Variants in HACD2 observed in about 807,000 individuals in gnomAD.
The protein encoded by HACD2 is very-long-chain (3R)-3-hydroxyacyl-CoA dehydratase 2.
In HACD2, 15 loss-of-function variants were observed where a neutral mutation model predicts 31.0. The observed-to-expected ratio is 0.48, with a 90% CI of 0.32 to 0.75. The LOEUF is 0.75. Among genes scored for constraint, HACD2 ranks in the 30% least tolerant of loss-of-function variants. The pLI is 0.03. For synonymous variants in HACD2, 115 were observed against 122.2 expected (o/e 0.94, Z 0.39); for missense variants, 283 against 313.0 (o/e 0.90, Z 0.72).
intron 4 of HACD2, among the ~76,000 whole-genome samples, chr3:123,510,950 T>G (rs966559106): frequency 6.9e-6 from 1 of 145,086 alleles, no homozygotes; most frequent in African/African-American, 2.7e-5. Context: ...TTTTTGTTTT[T>G]TTTTGTTTTT....
intron 4 of HACD2, among the ~76,000 whole-genome samples, chr3:123,508,640 C>T (rs374447313): frequency 1.3e-5 from 2 of 152,328 alleles, no homozygotes; most frequent in South Asian, 2.1e-4. Context: ...CCAAGCTTTA[C>T]AGCAAGCATT....
chr3:123,514,157 C>A (rs998001262), intron 4 of HACD2, among the ~76,000 whole-genome samples: 2 of 152,066 alleles, frequency 1.3e-5, no homozygotes, highest in Admixed American at 1.3e-4. Context: ...CGCCTGTGGT[C>A]CCAGCAACTC....
intron 4 of HACD2, 44 bp from the exon 5 acceptor site, chr3:123,502,725 G>A (rs1457414566): frequency 8.3e-6 from 13 of 1,557,200 alleles, no homozygotes; most frequent in East Asian, 7.1e-5. Flanking sequence ...CACAGACAAC[G>A]TTAATGAAGA....
intron 3 of HACD2, among the ~76,000 whole-genome samples, chr3:123,553,206 CAGAG>C (rs1337311264): frequency 6.6e-6 from 1 of 151,992 alleles, no homozygotes; most frequent in Non-Finnish European, 1.5e-5. Flanking sequence ...TTTACAGAGA[CAGAG>C]AGAGAGAAAG....
At chr3:123,582,380 G>C in intron 1 of HACD2, 51 bp from the exon 2 acceptor site, 2 of 1,296,042 alleles carry the variant, frequency 1.5e-6, no homozygotes, top group Non-Finnish European at 2.1e-6. Flanking sequence ...AAAAAAAGTA[G>C]CATTTAGGTT....
rs972813105 is a variant in HACD2 at position 123,551,184 on chromosome 3, T to G, written c.292+16578A>C. Among the ~76,000 whole-genome samples the G allele has an allele frequency of 8.5e-5, 13 of 152,322 alleles. No individual in the cohort carries two copies. The South Asian group carries it at 2.7e-3, about 32-fold the overall frequency. ...TTCCTCTACCTCTTTGAACTTACCC[T>G]TTCGGCGAAACATTTGTCACACTGT... On this transcript the variant is annotated intron_variant, in intron 3 of 6. Coordinates refer to ENST00000383657, the MANE Select transcript of HACD2 (RefSeq NM_198402.5).
chr3:123,511,177 C>G (rs1233912645), intron 4 of HACD2, among the ~76,000 whole-genome samples: 1 of 151,888 alleles, frequency 6.6e-6, no homozygotes, highest in Non-Finnish European at 1.5e-5. Flanking sequence ...ATAATTATAC[C>G]TAATTGTTAC....
chr3:123,553,530 A>T (rs932433121), intron 3 of HACD2, among the ~76,000 whole-genome samples: 4 of 152,258 alleles, frequency 2.6e-5, no homozygotes, highest in African/African-American at 9.6e-5. Context: ...GTATGCCAAA[A>T]AGGCAAGCTC....
chr3:123,564,479 G>T (rs980110662), intron 3 of HACD2, among the ~76,000 whole-genome samples: 1 of 152,216 alleles, frequency 6.6e-6, no homozygotes, highest in Non-Finnish European at 1.5e-5. Flanking sequence ...GAAGGAGCAG[G>T]ATCTCCAGGA....
chr3:123,547,684 G>A (rs1229133517), intron 3 of HACD2, among the ~76,000 whole-genome samples: 3 of 152,160 alleles, frequency 2.0e-5, no homozygotes, highest in African/African-American at 7.2e-5. Context: ...ACCAGAGCCT[G>A]TATGAGGTGG....
chr3:123,544,170 C>A (rs2056527318), intron 3 of HACD2, among the ~76,000 whole-genome samples: 1 of 152,148 alleles, frequency 6.6e-6, no homozygotes, highest in South Asian at 2.1e-4. Flanking sequence ...ATGGAAAGAG[C>A]CTGTCGACAG....
chr3:123,584,018 ACTGT>A (rs1389274553), intron 1 of HACD2, among the ~76,000 whole-genome samples: 4 of 152,216 alleles, frequency 2.6e-5, no homozygotes, highest in Non-Finnish European at 5.9e-5. Flanking sequence ...AAAATATATA[ACTGT>A]CTGATGCTGT....
At position 123,502,589 on chromosome 3, in the gene HACD2, G is replaced by A. The variant is rs2107681449; in HGVS notation, c.474C>T (p.Asn158=). Residue 158 remains asparagine, a synonymous_variant, in exon 5 of 7, where the codon AAC becomes AAT. Coordinates refer to ENST00000383657, the MANE Select transcript of HACD2 (RefSeq NM_198402.5). The part of the protein sequence containing the change: ...RYSFYTFSLL[N]HLPYLIKWAR... ...CCCATTTGATGAGGTAAGGCAGATG[G>A]TTTAATAGACTGAATGTATAAAAGG... The A allele has an allele frequency of 6.2e-7, 1 of 1,611,788 alleles. No homozygotes were observed. Among genetic ancestry groups the A allele is most frequent in the South Asian group, 1.1e-5 (1 of 90,292 alleles).
At chr3:123,573,680 T>C (rs2056878390) in intron 2 of HACD2, among the ~76,000 whole-genome samples, 1 of 152,206 alleles carries the variant, frequency 6.6e-6, no homozygotes, top group Non-Finnish European at 1.5e-5. Context: ...GTAACTCCTT[T>C]GAGTTACTGC....
intron 6 of HACD2, among the ~76,000 whole-genome samples, chr3:123,499,987 C>T (rs1685510530): frequency 6.6e-6 from 1 of 152,154 alleles, no homozygotes; most frequent in African/African-American, 2.4e-5. Flanking sequence ...GAAGAGAACA[C>T]TGTGTCCCAA....
At chr3:123,542,489 A>C (rs551881563) in intron 3 of HACD2, among the ~76,000 whole-genome samples, 9 of 152,402 alleles carry the variant, frequency 5.9e-5, no homozygotes, top group Non-Finnish European at 1.3e-4. Context: ...TTAAGAGTTA[A>C]AAGAATATTC....
Position 123,502,674 on chromosome 3 carries a change from CT to C in HACD2, c.388del (p.Ser130ValfsTer28). ...AVTHSVKEVQ[S>X]EDSVLLFVIA... ...AACAAACAGGAGGACACTGTCTTCA[CT>C]CTGTACCTGAAGGAAGAGGAAAACA... On this transcript the variant is annotated frameshift_variant, in exon 5 of 7. Coordinates refer to ENST00000383657, the MANE Select transcript of HACD2 (RefSeq NM_198402.5). LOFTEE classifies it high-confidence loss of function. 1 of 1,602,132 alleles carries C rather than the reference CT, an allele frequency of 6.2e-7. No individual in the cohort carries two copies. Among genetic ancestry groups the C allele is most frequent in the Non-Finnish European group, 8.5e-7 (1 of 1,173,996 alleles).
At chr3:123,497,269 G>C (rs1199580654) in intron 6 of HACD2, among the ~76,000 whole-genome samples, 2 of 152,208 alleles carry the variant, frequency 1.3e-5, no homozygotes, top group Non-Finnish European at 2.9e-5. Flanking sequence ...CCCGACAACA[G>C]GCTATTGAGA....
chr3:123,495,709 A>G (rs1316357776), intron 6 of HACD2, among the ~76,000 whole-genome samples: 1 of 152,188 alleles, frequency 6.6e-6, no homozygotes, highest in Admixed American at 6.5e-5. Context: ...TTCTCAAATG[A>G]ATGGGATAGT....
Sources: gnomAD v4.1 joint callset for allele counts (sites outside exome capture counted in the v4.1 genomes callset) on GRCh38, gnomAD v4.1.1 for gene constraint, MANE v1.5 for transcripts, NCBI Gene and HGNC (gene_info 2026-07-23, HGNC 2026-07-21) for gene names.